Variants in CARD14 observed in about 807,000 individuals in gnomAD.
CARD14 encodes caspase recruitment domain-containing protein 14.
CARD14 carries 107 observed loss-of-function variants against 111.5 expected under a neutral mutation model. That is an observed-to-expected ratio of 0.96 (90% CI 0.82 to 1.13). CARD14 has a LOEUF of 1.13. CARD14 is among the 50% of genes most tolerant of loss of function. CARD14 has a pLI of 0.00. For synonymous variants in CARD14, 617 were observed against 579.6 expected (o/e 1.06, Z -0.93); for missense variants, 1,322 against 1,362.3 (o/e 0.97, Z 0.47).
chr17:80,186,653 A>G (rs1179887967), intron 7 of CARD14, among the ~76,000 whole-genome samples: 1 of 152,044 alleles, frequency 6.6e-6, no homozygotes, highest in East Asian at 1.9e-4. Context: ...GGTTCAAGCA[A>G]TTCTCCTGCC....
chr17:80,202,341 G>A lies in CARD14; in HGVS notation c.2140G>A (p.Gly714Ser), dbSNP rs151150961. 3.0e-4 allele frequency: 486 copies of A among 1,613,376 alleles called. 1 individual carries two copies. Among genetic ancestry groups the A allele is most frequent in the Admixed American group, 4.2e-4 (25 of 60,006 alleles). ...HVTDTMFQGCGCWHAHRVNSY... is the reference protein window; with the variant it reads ...HVTDTMFQGCSCWHAHRVNSY... ...CACCGACACCATGTTCCAGGGCTGC[G>A]GCTGCTGGCATGCCCACCGCGTGAA... Residue 714 changes from glycine to serine, a missense_variant, in exon 18 of 24, where the codon GGC (glycine) becomes AGC (serine). Transcript: ENST00000648509.
In CARD14 at chr17:80,201,261, G is replaced by A. The variant is rs111499282; in HGVS notation, c.1852-483G>A. The A allele has an allele frequency of 6.1e-6, 1 of 163,166 alleles. No homozygotes were observed. Among genetic ancestry groups the A allele is most frequent in the Non-Finnish European group, 1.4e-5 (1 of 73,984 alleles). 10.1% of individuals were successfully genotyped at this position (163,166 alleles called of 1,614,324 possible). ...ATGAAGTGGATGGTGGAAGCCCTGG[G>A]GGGTGGGCCTTCACAGTGGGGAAGG... is the stretch of plus-strand genomic sequence containing the variant. On this transcript the variant is annotated intron_variant, in intron 16 of 23. Transcript: ENST00000648509. This position sits in a 1 kb window ranked among gnomAD's most constrained non-coding sequence, Gnocchi z 5.0.
chr17:80,207,808 T>G (rs2041419747), intron 23 of CARD14: 1 of 287,168 alleles, frequency 3.5e-6, no homozygotes, highest in Non-Finnish European at 6.4e-6. Flanking sequence ...TCAGCTCCAC[T>G]GACCCTCCAC....
At chr17:80,171,118 G>A (rs1474497436) in intron 1 of CARD14, among the ~76,000 whole-genome samples, 1 of 149,894 alleles carries the variant, frequency 6.7e-6, no homozygotes, top group African/African-American at 2.5e-5. Flanking sequence ...TGGGATTACG[G>A]GCGTGAGCCA....
intron 22 of CARD14, among the ~76,000 whole-genome samples, chr17:80,206,483 G>A (rs1243480188): frequency 6.6e-6 from 1 of 151,780 alleles, no homozygotes; most frequent in African/African-American, 2.4e-5. Context: ...AATTAAAAGT[G>A]GGCCGGGTGC....
chr17:80,191,003 G>C, intron 10 of CARD14, 104 bp downstream of exon 10: 1 of 1,473,682 alleles, frequency 6.8e-7, no homozygotes, highest in Non-Finnish European at 9.1e-7. Context: ...ATGGCAGCTG[G>C]TCCCAGATTT....
Position 80,207,651 on chromosome 17 carries a change from G to A in CARD14, c.2808-487G>A, listed in dbSNP as rs566562657. The A allele has an allele frequency of 6.2e-4, 99 of 158,474 alleles. No individual in the cohort carries two copies. In the Middle Eastern group the frequency reaches 9.6e-3, roughly 15 times the overall value. 9.8% of individuals were successfully genotyped at this position (158,474 alleles called of 1,614,324 possible). A position where few individuals can be genotyped will look rare whatever the true frequency, so the allele number is the denominator to read the frequency against. Reference sequence around the variant, plus strand: ...TCCAGAATCTTGATACCAGGATGACGGTGCCTTTTACAGTGGGCAAAAGTA... The same window carrying A: ...TCCAGAATCTTGATACCAGGATGACAGTGCCTTTTACAGTGGGCAAAAGTA... On this transcript the variant is annotated intron_variant, in intron 23 of 23. Coordinates refer to ENST00000648509, the MANE Select transcript of CARD14 (RefSeq NM_001366385.1).
Position 80,189,798 on chromosome 17 carries a change from A to G in CARD14, c.889A>G (p.Ser297Gly). Residue 297 changes from serine (S) to glycine (G), a missense_variant, in exon 9 of 24, where the codon AGC (serine) becomes GGC (glycine). Coordinates refer to ENST00000648509, the MANE Select transcript of CARD14 (RefSeq NM_001366385.1). This position sits in a 1 kb window ranked among gnomAD's most constrained non-coding sequence, Gnocchi z 4.7. The part of the protein sequence containing the change: ...LEQSLDEARG[S>G]RQELVERIHS... ...GCAGAGCCTGGACGAGGCGCGGGGG[A>G]GCCGACAGGAGCTGGTGGAGCGCAT... 2 of 1,582,656 alleles carry G rather than the reference A, an allele frequency of 1.3e-6. No individual in the cohort carries two copies. Among genetic ancestry groups the G allele is most frequent in the South Asian group, 1.1e-5 (1 of 87,330 alleles).
intron 23 of CARD14, 98 bp from the exon 24 acceptor site, chr17:80,208,040 T>C: frequency 1.1e-6 from 1 of 898,564 alleles, no homozygotes; most frequent in Non-Finnish European, 1.6e-6. Flanking sequence ...GCCACCTGTG[T>C]TTAGGGGTGT....
chr17:80,198,945 C>A lies in CARD14; in HGVS notation c.1851+354C>A, dbSNP rs1299306635. 1.8e-6 allele frequency: 2 copies of A among 1,123,146 alleles called. No individual in the cohort carries two copies. Among genetic ancestry groups the A allele is most frequent in the East Asian group, 1.1e-4 (2 of 19,038 alleles). 69.6% of individuals were successfully genotyped at this position (1,123,146 alleles called of 1,614,324 possible). A position where few individuals can be genotyped will look rare whatever the true frequency, so the allele number is the denominator to read the frequency against. ...AACCACTGGGGCATTTCTTTTCTTTCTTTTTTTTTGTTTGTTGTTTTGAAA... is the reference window on the plus strand; with the variant it reads ...AACCACTGGGGCATTTCTTTTCTTTATTTTTTTTTGTTTGTTGTTTTGAAA... On this transcript the variant is annotated intron_variant, in intron 16 of 23. Coordinates refer to ENST00000648509, the MANE Select transcript of CARD14 (RefSeq NM_001366385.1). The surrounding 1 kb of genome is among the most constrained non-coding windows in gnomAD (Gnocchi z 7.5).
intron 23 of CARD14, 46 bp from the exon 24 acceptor site, chr17:80,208,092 C>A: frequency 7.1e-7 from 1 of 1,410,382 alleles, no homozygotes; most frequent in Non-Finnish European, 9.5e-7. Context: ...GCTCCTGGGC[C>A]CTTGCTCTCC....
intron 1 of CARD14, among the ~76,000 whole-genome samples, chr17:80,172,307 C>T (rs747188131): frequency 2.6e-5 from 4 of 152,308 alleles, no homozygotes; most frequent in African/African-American, 7.2e-5. Flanking sequence ...GTAGATGTTT[C>T]GTAAGAGATT....
At position 80,184,078 on chromosome 17, in the gene CARD14, A is replaced by G. The variant is rs1397630527; in HGVS notation, c.515A>G (p.Gln172Arg). 1 of 1,585,604 alleles carries G rather than the reference A, an allele frequency of 6.3e-7. No homozygotes were observed. Among genetic ancestry groups the G allele is most frequent in the Non-Finnish European group, 8.6e-7 (1 of 1,166,694 alleles). Reference sequence around the variant, plus strand: ...GAGACCCGTGCCGAGGGCCTGCACCAGCTGGAGGCTGACCACAGCCGCATG... The same window carrying G: ...GAGACCCGTGCCGAGGGCCTGCACCGGCTGGAGGCTGACCACAGCCGCATG... The part of the protein sequence containing the change: ...LAETRAEGLH[Q>R]LEADHSRMKR... The change falls in exon 7 of 24, where the codon CAG becomes CGG. Residue 172 changes from glutamine to arginine, a missense_variant. Transcript: ENST00000648509.
intron 7 of CARD14, among the ~76,000 whole-genome samples, chr17:80,186,793 G>A (rs1428920929): frequency 2.6e-5 from 4 of 152,072 alleles, no homozygotes; most frequent in South Asian, 2.1e-4. Flanking sequence ...CAGGTGATCC[G>A]CCCACCTCGG....
chr17:80,193,583 G>T (rs2040605012), intron 12 of CARD14, among the ~76,000 whole-genome samples: 1 of 152,228 alleles, frequency 6.6e-6, no homozygotes, highest in South Asian at 2.1e-4. Flanking sequence ...GGAGCCGGGA[G>T]GGAGGGAGGG....
Position 80,202,321 on chromosome 17 carries a change from A to G in CARD14, c.2120A>G (p.Asp707Gly). The change falls in exon 18 of 24, where the codon GAC becomes GGC. Residue 707 changes from aspartate to glycine, a missense_variant. Physicochemically the swap from Asp to Gly is moderately conservative, Grantham distance 94. Coordinates refer to ENST00000648509, the MANE Select transcript of CARD14 (RefSeq NM_001366385.1). The part of the protein sequence containing the change: ...VHCNEVLHVT[D>G]TMFQGCGCWH... ...TGCAACGAGGTCCTGCACGTCACCG[A>G]CACCATGTTCCAGGGCTGCGGCTGC... 6.2e-7 allele frequency: 1 copy of G among 1,613,626 alleles called. No homozygotes were observed. Among genetic ancestry groups the G allele is most frequent in the Non-Finnish European group, 8.5e-7 (1 of 1,180,010 alleles).
rs946232550 is a variant in CARD14, at chr17:80,203,888, G to A, written c.2283+3G>A. On this transcript the variant is annotated splice_donor_region_variant and intron_variant, in intron 19 of 23. Transcript: ENST00000648509. The surrounding 1 kb of genome is among the most constrained non-coding windows in gnomAD (Gnocchi z 4.6). ...AGCAGTGCACCGTGACCCGCAAGGTGAGGCTCCAGGGAGGGGCCTGGACCC... is the reference window on the plus strand; with the variant it reads ...AGCAGTGCACCGTGACCCGCAAGGTAAGGCTCCAGGGAGGGGCCTGGACCC... 2 of 1,593,834 alleles carry A rather than the reference G, an allele frequency of 1.3e-6. No homozygotes were observed. The highest frequency in any genetic ancestry group is 1.1e-5 in the South Asian group (1 of 87,084).
chr17:80,187,945 G>A (rs1049188752), intron 7 of CARD14: 5 of 986,292 alleles, frequency 5.1e-6, no homozygotes, highest in Non-Finnish European at 6.0e-6. Flanking sequence ...CCTCCGACCT[G>A]ACTTTCCTCT....
Position 80,191,374 on chromosome 17 carries a change from G to T in CARD14, c.1141G>T (p.Glu381Ter). ...AQREISQSLV[E>*]KDSLRRQVFE... ...GAGGGAGATTTCCCAGAGCCTGGTG[G>T]AGAAGGACTCCCTCCGCAGGCAGGT... Residue 381 changes from glutamate (E) to a stop codon, truncating the protein, a stop_gained, in exon 11 of 24, where the codon GAG (glutamate) becomes TAG (stop). Transcript: ENST00000648509. LOFTEE classifies it high-confidence loss of function. The T allele has an allele frequency of 6.2e-7, 1 of 1,613,982 alleles. No homozygotes were observed. The highest frequency in any genetic ancestry group is 2.2e-5 in the East Asian group (1 of 44,888).
Sources: gnomAD v4.1 joint callset for allele counts (sites outside exome capture counted in the v4.1 genomes callset) on GRCh38, gnomAD v4.1.1 for gene constraint, Gnocchi (gnomAD v3.1) non-coding constraint, MANE v1.5 for transcripts, NCBI Gene and HGNC (gene_info 2026-07-23, HGNC 2026-07-21) for gene names.